Variants in FAM149A observed in about 807,000 individuals in gnomAD.
The protein encoded by FAM149A is protein FAM149A.
Under a neutral mutation model 78.2 loss-of-function variants are expected in FAM149A, and 71 were observed. That is an observed-to-expected ratio of 0.91 (90% CI 0.75 to 1.11). The LOEUF (loss-of-function observed/expected upper bound fraction) is 1.11, where lower values mean the gene tolerates loss of function less well. Among genes scored for constraint, FAM149A ranks in the 50% least tolerant of loss-of-function variants. The pLI is 0.00. For synonymous variants in FAM149A, 446 were observed against 410.5 expected (o/e 1.09, Z -1.04); for missense variants, 1,036 against 971.0 (o/e 1.07, Z -0.89).
chr4:186,154,720 G>C, intron 6 of FAM149A, 82 bp downstream of exon 6: 1 of 1,455,052 alleles, frequency 6.9e-7, no homozygotes, highest in Non-Finnish European at 9.1e-7. Context: ...TGCTCATTAA[G>C]TGTTTTGTGT....
At position 186,144,754 on chromosome 4, in the gene FAM149A, G is replaced by A. The variant is rs1156685612; in HGVS notation, c.567-4419G>A. 1.3e-5 allele frequency: 12 copies of A among 912,898 alleles called. No individual in the cohort carries two copies. Among genetic ancestry groups the A allele is most frequent in the East Asian group, 1.3e-4 (1 of 7,908 alleles). The allele number at this position is 912,898 out of a possible 1,614,324, so 56.5% of individuals were successfully genotyped here. A position where few individuals can be genotyped will look rare whatever the true frequency, so the allele number is the denominator to read the frequency against. On this transcript the variant is annotated intron_variant, in intron 1 of 13. Transcript: ENST00000389354. This position sits in a 1 kb window ranked among gnomAD's most constrained non-coding sequence, Gnocchi z 4.2. ...CGGGGCCGGGGCCGGGGCCCGGAGC[G>A]GGGATGGGCGGGCGCAGCCGGGATT...
At chr4:186,129,773 C>T (rs139049324) in intron 1 of FAM149A, among the ~76,000 whole-genome samples, 11 of 152,144 alleles carry the variant, frequency 7.2e-5, no homozygotes, top group Non-Finnish European at 1.5e-4. Flanking sequence ...TTACCAGACA[C>T]CAGTTAAATA....
intron 1 of FAM149A, chr4:186,123,897 C>CT: frequency 1.1e-6 from 1 of 914,202 alleles, no homozygotes; most frequent in Non-Finnish European, 1.3e-6. Context: ...AAATAAAACA[C>CT]TTTTTGTACA....
At chr4:186,123,466 C>A in intron 1 of FAM149A, 1 of 733,582 alleles carries the variant, frequency 1.4e-6, no homozygotes, top group Non-Finnish European at 1.7e-6. Context: ...CCCTTCATGG[C>A]TCTTTATTAA....
intron 1 of FAM149A, chr4:186,117,536 T>C: frequency 4.1e-6 from 4 of 985,398 alleles, no homozygotes; most frequent in Non-Finnish European, 4.8e-6. Flanking sequence ...GTGGGGCACA[T>C]GGACACCTGG....
At chr4:186,125,176 G>A (rs1318898461) in intron 1 of FAM149A, 2 of 804,200 alleles carry the variant, frequency 2.5e-6, no homozygotes, top group Non-Finnish European at 3.0e-6. Context: ...CTGGACTATT[G>A]GAAATCCTTG....
At chr4:186,163,686 T>C in intron 10 of FAM149A, 53 bp downstream of exon 10, 1 of 1,342,906 alleles carries the variant, frequency 7.4e-7, no homozygotes, top group Non-Finnish European at 1.1e-6. Flanking sequence ...ACCTAGATGC[T>C]TCTCAGTTAG....
Position 186,174,411 on chromosome 4 carries a change from C to G in FAM149A, c.*2424C>G, listed in dbSNP as rs138621595. On this transcript the variant is annotated 3_prime_UTR_variant, in exon 14 of 14. Transcript: ENST00000389354. ...GCCATGCCTCTGCAAAGGACATAAT[C>G]TCATTCTTTTTTATGAGCTCAAGCT... Among the ~76,000 whole-genome samples, 357 of 111,438 alleles carry G rather than the reference C, an allele frequency of 3.2e-3. 122 individuals carry two copies. The highest frequency in any genetic ancestry group is 6.7e-3 in the Non-Finnish European group (299 of 44,346). 73.1% of individuals were successfully genotyped at this position (111,438 alleles called of 152,430 possible).
chr4:186,132,318 CTG>C (rs111711469), intron 1 of FAM149A: 10 of 717,162 alleles, frequency 1.4e-5, no homozygotes, highest in African/African-American at 1.2e-4. Flanking sequence ...GTAAATAAGA[CTG>C]TGTTATTGAT....
At chr4:186,134,089 C>T (rs530243096) in intron 1 of FAM149A, among the ~76,000 whole-genome samples, 6 of 152,174 alleles carry the variant, frequency 3.9e-5, no homozygotes, top group Non-Finnish European at 7.4e-5. Flanking sequence ...ACGTTTCCAC[C>T]GGTGATGCAC....
In FAM149A at chr4:186,108,492, G is replaced by C. The variant is rs71624740; in HGVS notation, c.566+2850G>C. On this transcript the variant is annotated intron_variant, in intron 1 of 13. Transcript: ENST00000389354. ...ATGCAAACTCTCCTGCAATTTAGAG[G>C]CTTTTTTCCAAGCAAAGATGCTGAA... is the stretch of plus-strand genomic sequence containing the variant. Among the ~76,000 whole-genome samples the C allele has an allele frequency of 5.3e-3, 811 of 152,134 alleles. 5 individuals are homozygous for C. Among genetic ancestry groups the C allele is most frequent in the Non-Finnish European group, 8.8e-3 (596 of 68,000 alleles).
chr4:186,147,656 G>A (rs766867767), intron 1 of FAM149A, among the ~76,000 whole-genome samples: 7 of 152,276 alleles, frequency 4.6e-5, no homozygotes, highest in Non-Finnish European at 1.0e-4. Context: ...TCCTATACCA[G>A]TATGTTTTTC....
chr4:186,165,427 G>A lies in FAM149A; in HGVS notation c.1973G>A (p.Gly658Glu), dbSNP rs750494973. Residue 658 changes from glycine to glutamate, a missense_variant, in exon 11 of 14, where the codon GGG (glycine) becomes GAG (glutamate). Gly to Glu is a moderately conservative substitution (Grantham distance 98). Around this residue, in one of 3 missense-constraint regions of FAM149A, gnomAD observed 716 missense variants for 711.8 expected, o/e 1.01. Coordinates refer to ENST00000389354, the MANE Select transcript of FAM149A (RefSeq NM_001367768.3). ...CCCCCGCTAGTCACGGAGACCAGGGGGCAGAATACAGCAGTTCCTGGATGC... is the reference window on the plus strand; with the variant it reads ...CCCCCGCTAGTCACGGAGACCAGGGAGCAGAATACAGCAGTTCCTGGATGC... 6 of 1,614,004 alleles carry A rather than the reference G, an allele frequency of 3.7e-6. No homozygotes were observed. The highest frequency in any genetic ancestry group is 3.3e-5 in the Admixed American group (2 of 60,008).
At chr4:186,118,289 T>G (rs2099314561) in intron 1 of FAM149A, 1 of 956,696 alleles carries the variant, frequency 1.0e-6, no homozygotes, top group Non-Finnish European at 1.2e-6. Context: ...GCTGGAACAG[T>G]GCTTCTCAAT....
chr4:186,154,388 A>G, intron 5 of FAM149A, 80 bp from the exon 6 acceptor site: 1 of 1,210,992 alleles, frequency 8.3e-7, no homozygotes. Context: ...CAGATAATTG[A>G]AAGATCCGCC....
chr4:186,149,355 A>AATT, intron 2 of FAM149A, 72 bp downstream of exon 2: 1 of 1,238,462 alleles, frequency 8.1e-7, no homozygotes, highest in Non-Finnish European at 1.0e-6. Flanking sequence ...GAAGTTAGTG[A>AATT]CTGGCCATGA....
rs1421158438 is a variant in FAM149A, at chr4:186,153,420, C to T, written c.933-225C>T. On this transcript the variant is annotated intron_variant, in intron 4 of 13. Transcript: ENST00000389354. ...TCCTGTTTTGCAAATGAAAGACAAA[C>T]AAATGAAATTAGCCTGAGAACCTTG... The T allele has an allele frequency of 4.1e-6, 4 of 985,146 alleles. No homozygotes were observed. The Admixed American group carries it at 2.5e-4, about 61-fold the overall frequency. 61.0% of individuals were successfully genotyped at this position (985,146 alleles called of 1,614,324 possible). A position where few individuals can be genotyped will look rare whatever the true frequency, so the allele number is the denominator to read the frequency against.
chr4:186,162,819 T>TC, intron 8 of FAM149A, 26 bp from the exon 9 acceptor site: 1 of 896,652 alleles, frequency 1.1e-6, no homozygotes, highest in Non-Finnish European at 1.7e-6. Flanking sequence ...TCTTTTTTTT[T>TC]TTTTTTTTTT....
In FAM149A at chr4:186,162,833, T is replaced by TA. The variant is rs1554071606; in HGVS notation, c.1576-11dup. The TA allele has an allele frequency of 3.6e-6, 3 of 824,654 alleles. No individual in the cohort carries two copies. The highest frequency in any genetic ancestry group is 5.9e-6 in the Non-Finnish European group (3 of 507,132). The allele number at this position is 824,654 out of a possible 1,614,324, so 51.1% of individuals were successfully genotyped here. A position where few individuals can be genotyped will look rare whatever the true frequency, so the allele number is the denominator to read the frequency against. On this transcript the variant is annotated splice_polypyrimidine_tract_variant and intron_variant, in intron 8 of 13. Transcript: ENST00000389354. ...TTCTTTTTTTTTTTTTTTTTTTTTT[T>TA]ACTGTTCTCAGATTCATCACTTCTC...
Sources: gnomAD v4.1 joint callset for allele counts (sites outside exome capture counted in the v4.1 genomes callset) on GRCh38, gnomAD v4.1.1 for gene constraint, gnomAD v4.1.1 regional missense constraint, Gnocchi (gnomAD v3.1) non-coding constraint, MANE v1.5 for transcripts, NCBI Gene and HGNC (gene_info 2026-07-23, HGNC 2026-07-21) for gene names.